The following TMEM68 variants were observed in gnomAD, a reference collection of about 807,000 sequenced individuals.
The protein encoded by TMEM68 is DGAT1/2-independent enzyme synthesizing storage lipids.
TMEM68 carries 25 observed loss-of-function variants against 36.9 expected under a neutral mutation model. That is an observed-to-expected ratio of 0.68 (90% confidence interval 0.49 to 0.95). The LOEUF (loss-of-function observed/expected upper bound fraction) is 0.95, where lower values mean the gene tolerates loss of function less well. TMEM68 is among the 40% of genes least tolerant of loss of function. The pLI is 0.00. For synonymous variants in TMEM68, 131 were observed against 124.4 expected (o/e 1.05, Z -0.35); for missense variants, 333 against 392.0 (o/e 0.85, Z 1.27).
chr8:55,769,639 CT>C (rs542678482), intron 1 of TMEM68, among the ~76,000 whole-genome samples: 18 of 147,848 alleles, frequency 1.2e-4, no homozygotes, highest in South Asian at 2.1e-4. Flanking sequence ...TCGTCTAAAA[CT>C]TTTTTTTTTT....
chr8:55,754,158 G>C (rs1025110537), intron 4 of TMEM68, among the ~76,000 whole-genome samples: 2 of 140,816 alleles, frequency 1.4e-5, no homozygotes, highest in Non-Finnish European at 3.1e-5. Flanking sequence ...AGGCATGGTG[G>C]CTCGTGCCTA....
intron 1 of TMEM68, among the ~76,000 whole-genome samples, chr8:55,765,026 T>C (rs1401310958): frequency 6.6e-6 from 1 of 152,046 alleles, no homozygotes; most frequent in Non-Finnish European, 1.5e-5. Context: ...GAGCCGAGAT[T>C]GCACCATTGC....
At chr8:55,766,968 T>C (rs1207990700) in intron 1 of TMEM68, among the ~76,000 whole-genome samples, 1 of 152,140 alleles carries the variant, frequency 6.6e-6, no homozygotes. Flanking sequence ...GCAACCTGAG[T>C]TTGTATCCTG....
chr8:55,770,243 A>C (rs755722856), intron 1 of TMEM68, among the ~76,000 whole-genome samples: 15 of 152,194 alleles, frequency 9.9e-5, no homozygotes, highest in Admixed American at 5.2e-4. Context: ...TCTTTGATAT[A>C]TCTCTCTTTT....
chr8:55,773,356 GT>G lies in TMEM68; in HGVS notation c.-203del. ...GGCGGATTCCTCCGAAGCAACCCGT[GT>G]GAAAGAAGCCAAGCGGCGGCTGCAG... On this transcript the variant is annotated 5_prime_UTR_variant, in exon 1 of 8. Coordinates refer to ENST00000434581, the MANE Select transcript of TMEM68 (RefSeq NM_001286657.2). 7.9e-6 allele frequency: 3 copies of G among 381,722 alleles called. No homozygotes were observed. The South Asian group carries it at 1.4e-4, about 17-fold the overall frequency. The allele number at this position is 381,722 out of a possible 1,614,324, so 23.6% of individuals were successfully genotyped here.
At chr8:55,757,816 A>G (rs187713320) in intron 3 of TMEM68, among the ~76,000 whole-genome samples, 1 of 152,098 alleles carries the variant, frequency 6.6e-6, no homozygotes, top group Non-Finnish European at 1.5e-5. Flanking sequence ...CATAAAGCAG[A>G]TATCTACCAC....
intron 5 of TMEM68, among the ~76,000 whole-genome samples, chr8:55,749,496 T>G (rs572127988): frequency 1.6e-4 from 24 of 152,312 alleles, no homozygotes; most frequent in African/African-American, 5.8e-4. Context: ...ACTGAAAGAC[T>G]TCCCTCACGT....
chr8:55,754,675 A>G (rs1157559011), intron 4 of TMEM68, among the ~76,000 whole-genome samples: 3 of 122,586 alleles, frequency 2.4e-5, no homozygotes, highest in African/African-American at 9.5e-5. Flanking sequence ...TACATATATT[A>G]TGTAATATAT....
chr8:55,757,988 G>T (rs1810658009), intron 3 of TMEM68, among the ~76,000 whole-genome samples: 2 of 152,138 alleles, frequency 1.3e-5, no homozygotes. Context: ...GCACCAGGGG[G>T]AATGAGGGCA....
chr8:55,751,436 T>C (rs906962684), intron 4 of TMEM68: 7 of 424,456 alleles, frequency 1.6e-5, no homozygotes, highest in Non-Finnish European at 2.6e-5. Context: ...AATAGCTTGC[T>C]CAAAGTCACA....
At chr8:55,743,324 G>C (rs931552321) in intron 7 of TMEM68, among the ~76,000 whole-genome samples, 157 bp downstream of exon 7, 3 of 152,018 alleles carry the variant, frequency 2.0e-5, no homozygotes, top group African/African-American at 7.2e-5. Flanking sequence ...AAGTCTCCAG[G>C]GATTAGCAAA....
At chr8:55,770,142 T>G (rs1195945062) in intron 1 of TMEM68, among the ~76,000 whole-genome samples, 1 of 152,240 alleles carries the variant, frequency 6.6e-6, no homozygotes, top group African/African-American at 2.4e-5. Context: ...CAAGTTTGCT[T>G]GCTTAAAATT....
chr8:55,769,999 C>A (rs915180010), intron 1 of TMEM68, among the ~76,000 whole-genome samples: 11 of 152,166 alleles, frequency 7.2e-5, no homozygotes, highest in Non-Finnish European at 1.5e-4. Flanking sequence ...AGAGAACTAT[C>A]AGAGGAATTT....
rs528835816 is a variant in TMEM68, at chr8:55,742,299, T to C, written c.888+1182A>G. Reference sequence around the variant, plus strand: ...TAGTCCGTTTTGCAAGATGAAAAAATTCTAGAGACCTGTTGCTCAATAATG... The same window carrying C: ...TAGTCCGTTTTGCAAGATGAAAAAACTCTAGAGACCTGTTGCTCAATAATG... On this transcript the variant is annotated intron_variant, in intron 7 of 7. Coordinates refer to ENST00000434581, the MANE Select transcript of TMEM68 (RefSeq NM_001286657.2). 3.3e-4 allele frequency among the ~76,000 whole-genome samples: 50 copies of C among 152,238 alleles called. No homozygotes were observed. The South Asian group carries it at 7.5e-3, about 23-fold the overall frequency.
At chr8:55,754,466 T>TATATATATATATATATATATATATATAC (rs1346601089) in intron 4 of TMEM68, among the ~76,000 whole-genome samples, 4 of 118,958 alleles carry the variant, frequency 3.4e-5, no homozygotes, top group African/African-American at 1.4e-4. Flanking sequence ...TATATATATA[T>TATATATATATATATATATATATATATAC]ACACACACAC....
intron 3 of TMEM68, among the ~76,000 whole-genome samples, chr8:55,759,007 G>A (rs930157161): frequency 6.6e-5 from 10 of 152,152 alleles, no homozygotes; most frequent in Admixed American, 4.6e-4. Flanking sequence ...TGGGTTTACT[G>A]AGGTTAAGTA....
At chr8:55,745,200 CT>C (rs879715126) in intron 5 of TMEM68, 79 bp from the exon 6 acceptor site, 24,942 of 751,588 alleles carry the variant, frequency 0.033, no homozygotes, top group South Asian at 0.045. Context: ...CTAATGCAAA[CT>C]TTTTTTTTTT....
At chr8:55,742,733 T>C (rs1008283749) in intron 7 of TMEM68, among the ~76,000 whole-genome samples, 1 of 151,822 alleles carries the variant, frequency 6.6e-6, no homozygotes, top group Non-Finnish European at 1.5e-5. Context: ...AGTGATTCAG[T>C]TAACATAACA....
At chr8:55,746,633 C>T (rs1810286299) in intron 5 of TMEM68, 2 of 151,980 alleles carry the variant, frequency 1.3e-5, no homozygotes, top group African/African-American at 4.8e-5. Context: ...TGAGTAAATG[C>T]CTAATATAAA....
Sources: gnomAD v4.1 joint callset for allele counts (sites outside exome capture counted in the v4.1 genomes callset) on GRCh38, gnomAD v4.1.1 for gene constraint, MANE v1.5 for transcripts, NCBI Gene and HGNC (gene_info 2026-07-23, HGNC 2026-07-21) for gene names.